KIF2A: variants seen among roughly 807,000 people sequenced by gnomAD.
KIF2A encodes the protein kinesin family member 2A, also known as kinesin-like protein KIF2A.
Under a neutral mutation model 100.2 loss-of-function variants are expected in KIF2A, and 22 were observed. The ratio of observed to expected loss-of-function variants is 0.22; its 90% CI spans 0.16 to 0.31. KIF2A has a LOEUF of 0.31. Ranked by LOEUF, KIF2A falls within the 10% of genes least tolerant of loss-of-function variation. The pLI, the probability that KIF2A is intolerant of heterozygous loss-of-function variation, is 1.00. For missense variants in KIF2A, 495 were observed against 898.7 expected, an observed-to-expected ratio of 0.55 and a Z score of 5.74; for synonymous variants, 268 against 285.9, an observed-to-expected ratio of 0.94 and a Z score of 0.63.
intron 1 of KIF2A, among the ~76,000 whole-genome samples, chr5:62,317,207 C>T (rs1745860986): frequency 1.3e-5 from 2 of 152,234 alleles, no homozygotes; most frequent in African/African-American, 4.8e-5. Flanking sequence ...CGCCACCGTG[C>T]CCAGCTAATT....
chr5:62,335,307 C>A (rs1368524332), intron 1 of KIF2A, among the ~76,000 whole-genome samples: 1 of 152,194 alleles, frequency 6.6e-6, no homozygotes, highest in East Asian at 1.9e-4. Flanking sequence ...TGCTGAGAGA[C>A]CCAGTGCCCT....
chr5:62,351,125 G>A (rs1361968787), intron 4 of KIF2A, among the ~76,000 whole-genome samples: 11 of 151,918 alleles, frequency 7.2e-5, no homozygotes, highest in African/African-American at 2.7e-4. Flanking sequence ...TCAGCTACTC[G>A]GGAGGCTGAG....
Position 62,388,606 on chromosome 5 carries a change from G to A in KIF2A, c.*3037G>A, listed in dbSNP as rs538160531. On this transcript the variant is annotated 3_prime_UTR_variant, in exon 21 of 21. Coordinates refer to ENST00000407818, the MANE Select transcript of KIF2A (RefSeq NM_001098511.3). ...ATGTGAATAACACGAAATGGTATGG[G>A]GAATGTGTGACTAGTGAAGCATATT... 4.7e-5 allele frequency: 8 copies of A among 168,436 alleles called. No individual in the cohort carries two copies. The South Asian group carries it at 1.3e-3, about 26-fold the overall frequency. The allele number at this position is 168,436 out of a possible 1,614,324, so 10.4% of individuals were successfully genotyped here. A position where few individuals can be genotyped will look rare whatever the true frequency, so the allele number is the denominator to read the frequency against.
chr5:62,363,956 T>A (rs1273939096), intron 14 of KIF2A, 57 bp downstream of exon 14: 1 of 1,366,828 alleles, frequency 7.3e-7, no homozygotes, highest in East Asian at 2.5e-5. Flanking sequence ...TAATTTTCTT[T>A]ACTCAGTTGC....
intron 1 of KIF2A, among the ~76,000 whole-genome samples, chr5:62,314,274 C>A (rs1745697360): frequency 6.6e-6 from 1 of 152,000 alleles, no homozygotes; most frequent in Non-Finnish European, 1.5e-5. Context: ...GGATACCAGC[C>A]TGGGCAACAT....
At chr5:62,381,972 T>C (rs921532455) in intron 20 of KIF2A, among the ~76,000 whole-genome samples, 9 of 152,232 alleles carry the variant, frequency 5.9e-5, no homozygotes, top group African/African-American at 2.2e-4. Context: ...TTTGGTTTTT[T>C]AGTTAGCTTA....
At chr5:62,349,481 T>C (rs1747736566) in intron 3 of KIF2A, among the ~76,000 whole-genome samples, 1 of 152,084 alleles carries the variant, frequency 6.6e-6, no homozygotes, top group African/African-American at 2.4e-5. Flanking sequence ...GCTACATTAT[T>C]TGATATCTTT....
chr5:62,314,758 GTTTTTTTTTT>G (rs34987605), intron 1 of KIF2A, among the ~76,000 whole-genome samples: 1 of 100,914 alleles, frequency 9.9e-6, no homozygotes, highest in Non-Finnish European at 1.9e-5. Flanking sequence ...AGAATGAACT[GTTTTTTTTTT>G]TTTTTTTTTT....
At position 62,390,751 on chromosome 5, in the gene KIF2A, T is replaced by C; in HGVS notation, c.*5182T>C. 1 of 740,238 alleles carries C rather than the reference T, an allele frequency of 1.4e-6. No homozygotes were observed. Among genetic ancestry groups the C allele is most frequent in the Non-Finnish European group, 2.4e-6 (1 of 422,092 alleles). 45.9% of individuals were successfully genotyped at this position (740,238 alleles called of 1,614,324 possible). A position where few individuals can be genotyped will look rare whatever the true frequency, so the allele number is the denominator to read the frequency against. On this transcript the variant is annotated 3_prime_UTR_variant, in exon 21 of 21. Transcript: ENST00000407818. ...CTACACCAAATACTATTCCATGCCA[T>C]GGAAGTGCTATGCAATAACTCTCCC...
intron 1 of KIF2A, among the ~76,000 whole-genome samples, chr5:62,311,618 G>A (rs1055795273): frequency 3.9e-5 from 6 of 152,060 alleles, no homozygotes; most frequent in African/African-American, 9.7e-5. Flanking sequence ...ATCTTTACAC[G>A]TCACTATATA....
intron 1 of KIF2A, chr5:62,306,837 C>G (rs965957348): frequency 4.6e-5 from 18 of 387,214 alleles, no homozygotes; most frequent in African/African-American, 1.7e-4. Context: ...CTCCTCCTCC[C>G]GCAATCTCCA....
rs545485383 is a variant in KIF2A, at chr5:62,372,836, C to T, written c.1760+285C>T. Among the ~76,000 whole-genome samples, 10 of 152,230 alleles carry T rather than the reference C, an allele frequency of 6.6e-5. No individual in the cohort carries two copies. The South Asian group carries it at 1.7e-3, about 25-fold the overall frequency. ...CCATTAAAATTACCATACTTACCAT[C>T]GAATTGTTAAAAGATAAATTATCTT... On this transcript the variant is annotated intron_variant, in intron 17 of 20. Transcript: ENST00000407818.
chr5:62,383,005 C>CA (rs1311388033), intron 20 of KIF2A, among the ~76,000 whole-genome samples: 6 of 149,666 alleles, frequency 4.0e-5, no homozygotes, highest in Admixed American at 2.0e-4. Flanking sequence ...CAGCTCACTG[C>CA]GACCTCCGCC....
At chr5:62,362,031 C>T (rs893762023) in intron 11 of KIF2A, among the ~76,000 whole-genome samples, 2 of 120,916 alleles carry the variant, frequency 1.7e-5, no homozygotes, top group African/African-American at 3.1e-5. Context: ...GACCCCATCT[C>T]AAAAAAAAAA....
At chr5:62,373,086 A>T (rs905056239) in intron 17 of KIF2A, among the ~76,000 whole-genome samples, 10 of 152,072 alleles carry the variant, frequency 6.6e-5, no homozygotes, top group Admixed American at 1.3e-4. Context: ...TTTTAAAGTA[A>T]GGAAAGTTTA....
At chr5:62,317,323 C>T (rs1470461605) in intron 1 of KIF2A, among the ~76,000 whole-genome samples, 1 of 152,214 alleles carries the variant, frequency 6.6e-6, no homozygotes, top group African/African-American at 2.4e-5. Flanking sequence ...GCTGGGATTA[C>T]AGGCGTGAGC....
At chr5:62,365,604 CTCTT>C (rs1227723744) in intron 15 of KIF2A, among the ~76,000 whole-genome samples, 1 of 151,716 alleles carries the variant, frequency 6.6e-6, no homozygotes, top group Admixed American at 6.6e-5. Flanking sequence ...TTTTCTCTTT[CTCTT>C]TCTTTCTTTT....
In KIF2A at chr5:62,372,560, C is replaced by T. The variant is rs757166579; in HGVS notation, c.1760+9C>T. ...TCTCCTTCAGTTACCAGGTCTACTT[C>T]ATTCTATACATAAGATGTTTATTTG... is the stretch of plus-strand genomic sequence containing the variant. On this transcript the variant is annotated intron_variant, in intron 17 of 20. Transcript: ENST00000407818. 2 of 1,328,190 alleles carry T rather than the reference C, an allele frequency of 1.5e-6. No homozygotes were observed. Among genetic ancestry groups the T allele is most frequent in the South Asian group, 1.2e-5 (1 of 83,760 alleles). 82.3% of individuals were successfully genotyped at this position (1,328,190 alleles called of 1,614,324 possible).
intron 16 of KIF2A, among the ~76,000 whole-genome samples, chr5:62,369,570 A>G (rs994080838): frequency 1.3e-5 from 2 of 152,224 alleles, no homozygotes; most frequent in Admixed American, 6.5e-5. Context: ...GCCTAACCAT[A>G]TCAGACACAT....
Sources: allele counts gnomAD v4.1 joint callset (sites outside exome capture counted in the v4.1 genomes callset), GRCh38; gene constraint gnomAD v4.1.1; transcripts MANE v1.5; gene names NCBI Gene and HGNC (gene_info 2026-07-23, HGNC 2026-07-21).